Variants in CEP112 observed in about 807,000 individuals in gnomAD.
The protein encoded by CEP112 is centrosomal protein 112, also known as centrosomal protein of 112 kDa.
In CEP112, 127 loss-of-function variants were observed where a neutral mutation model predicts 153.0. That is an observed-to-expected ratio of 0.83 (90% confidence interval 0.72 to 0.96). The LOEUF is 0.96. Among genes scored for constraint, CEP112 ranks in the 40% least tolerant of loss-of-function variants. The pLI is 0.00. For synonymous variants in CEP112, 358 were observed against 374.4 expected (o/e 0.96, Z 0.51); for missense variants, 1,089 against 1,101.2 (o/e 0.99, Z 0.16).
intron 24 of CEP112, among the ~76,000 whole-genome samples, chr17:65,650,730 T>TAAAAAA (rs71361240): frequency 1.4e-4 from 6 of 44,230 alleles, no homozygotes; most frequent in African/African-American, 2.0e-4. Flanking sequence ...AACTCTCTAC[T>TAAAAAA]AAAAAAAAAA....
intron 6 of CEP112, among the ~76,000 whole-genome samples, chr17:66,122,110 G>A (rs2069628064): frequency 6.6e-6 from 1 of 151,996 alleles, no homozygotes; most frequent in Non-Finnish European, 1.5e-5. Context: ...TAGCCAGGAT[G>A]GTCTTGATCT....
At chr17:66,056,847 C>A (rs548098163) in intron 11 of CEP112, among the ~76,000 whole-genome samples, 4 of 152,120 alleles carry the variant, frequency 2.6e-5, no homozygotes, top group East Asian at 3.9e-4. Flanking sequence ...ATCAAAAAAA[C>A]CAATGAATTG....
At chr17:65,899,197 T>G (rs192950676) in intron 20 of CEP112, among the ~76,000 whole-genome samples, 47 of 152,254 alleles carry the variant, frequency 3.1e-4, no homozygotes, top group African/African-American at 1.1e-3. Context: ...TATTCGACAA[T>G]GAGGTTATGA....
chr17:65,767,052 T>C (rs1331579886), intron 21 of CEP112, among the ~76,000 whole-genome samples: 21 of 152,122 alleles, frequency 1.4e-4, no homozygotes, highest in Admixed American at 1.4e-3. Flanking sequence ...AAATGGGCTA[T>C]ATATAACTTT....
intron 20 of CEP112, among the ~76,000 whole-genome samples, chr17:65,863,949 C>T (rs532723975): frequency 2.0e-5 from 3 of 151,268 alleles, no homozygotes; most frequent in Admixed American, 6.6e-5. Flanking sequence ...CGAGACCAAC[C>T]TGGCCAACAT....
chr17:65,923,348 T>C (rs993758642), intron 19 of CEP112, among the ~76,000 whole-genome samples: 4 of 152,206 alleles, frequency 2.6e-5, no homozygotes, highest in Non-Finnish European at 5.9e-5. Flanking sequence ...ATTTTCTATT[T>C]CATTAATCCA....
chr17:65,841,705 T>C (rs995974829), intron 21 of CEP112, among the ~76,000 whole-genome samples: 4 of 152,072 alleles, frequency 2.6e-5, no homozygotes, highest in African/African-American at 7.2e-5. Context: ...TATCCTAATT[T>C]TTCTGATTTG....
chr17:66,008,135 A>T (rs2064352008), intron 16 of CEP112, among the ~76,000 whole-genome samples: 2 of 152,146 alleles, frequency 1.3e-5, no homozygotes, highest in Non-Finnish European at 2.9e-5. Flanking sequence ...ATTTATTTTA[A>T]TTGAAAAATG....
intron 24 of CEP112, among the ~76,000 whole-genome samples, chr17:65,663,906 C>T (rs2046537131): frequency 2.0e-5 from 3 of 152,092 alleles, no homozygotes; most frequent in Non-Finnish European, 2.9e-5. Context: ...CTTAGCCAGG[C>T]GTGGTGGCGT....
chr17:65,970,616 A>C (rs2062696831), intron 17 of CEP112, among the ~76,000 whole-genome samples: 1 of 152,000 alleles, frequency 6.6e-6, no homozygotes, highest in Non-Finnish European at 1.5e-5. Flanking sequence ...TTGCAGGCAT[A>C]TGGAATGGAA....
intron 4 of CEP112, 92 bp from the exon 5 acceptor site, chr17:66,132,855 C>T: frequency 2.3e-6 from 2 of 871,952 alleles, no homozygotes; most frequent in Non-Finnish European, 3.8e-6. Flanking sequence ...TCCCTTGGAA[C>T]TGAGATGATA....
intron 21 of CEP112, among the ~76,000 whole-genome samples, chr17:65,824,091 T>G (rs192580125): frequency 3.9e-5 from 6 of 152,338 alleles, no homozygotes; most frequent in African/African-American, 1.4e-4. Flanking sequence ...CAATCTCATT[T>G]CTTTCTATTT....
chr17:66,075,727 C>G (rs988131433), intron 8 of CEP112, among the ~76,000 whole-genome samples: 2 of 152,122 alleles, frequency 1.3e-5, no homozygotes, highest in Admixed American at 6.6e-5. Context: ...AGCTCCAACT[C>G]GGACAGACAG....
At chr17:66,013,847 A>T (rs997282212) in intron 16 of CEP112, among the ~76,000 whole-genome samples, 2 of 152,038 alleles carry the variant, frequency 1.3e-5, no homozygotes, top group African/African-American at 4.8e-5. Flanking sequence ...GGTCACTGGC[A>T]TCTGTGTGTG....
intron 12 of CEP112, among the ~76,000 whole-genome samples, chr17:66,040,575 C>G (rs1440459961): frequency 6.8e-6 from 1 of 147,874 alleles, no homozygotes; most frequent in Admixed American, 6.9e-5. Context: ...CGGCTCACTG[C>G]AGGCTCCACC....
chr17:66,129,015 T>C lies in CEP112; in HGVS notation c.642+731A>G, dbSNP rs538756399. The stretch of plus-strand genomic sequence containing the variant: ...CAAATTATTTTTATAATAAAACATA[T>C]TCTAAAATCATTCTAAGCACTTTTT... On this transcript the variant is annotated intron_variant, in intron 6 of 26. Coordinates refer to ENST00000535342, the MANE Select transcript of CEP112 (RefSeq NM_001199165.4). 4.6e-5 allele frequency among the ~76,000 whole-genome samples: 7 copies of C among 152,298 alleles called. No homozygotes were observed. The East Asian group carries it at 1.2e-3, about 25-fold the overall frequency.
intron 23 of CEP112, among the ~76,000 whole-genome samples, chr17:65,697,291 G>A (rs976065393): frequency 1.3e-5 from 2 of 152,108 alleles, no homozygotes; most frequent in Non-Finnish European, 2.9e-5. Flanking sequence ...GGTGAAATAA[G>A]GGTGACTCTC....
intron 1 of CEP112, among the ~76,000 whole-genome samples, chr17:66,185,669 A>G (rs1395372709): frequency 6.6e-6 from 1 of 152,260 alleles, no homozygotes; most frequent in Non-Finnish European, 1.5e-5. Flanking sequence ...AGTTAAAAAT[A>G]CATACACACA....
chr17:65,678,202 A>G (rs1481288657), intron 24 of CEP112, among the ~76,000 whole-genome samples: 1 of 152,130 alleles, frequency 6.6e-6, no homozygotes, highest in Non-Finnish European at 1.5e-5. Context: ...TGTTCACTGA[A>G]TTCTATGAAT....
Sources: gnomAD v4.1 joint callset for allele counts (sites outside exome capture counted in the v4.1 genomes callset) on GRCh38, gnomAD v4.1.1 for gene constraint, MANE v1.5 for transcripts, NCBI Gene and HGNC (gene_info 2026-07-23, HGNC 2026-07-21) for gene names.